OSBPL8: variants seen among roughly 807,000 people sequenced by gnomAD.
OSBPL8 encodes the protein oxysterol-binding protein-related protein 8.
Under a neutral mutation model 125.5 loss-of-function variants are expected in OSBPL8, and 59 were observed. The observed-to-expected ratio is 0.47, with a 90% CI of 0.38 to 0.58. The LOEUF is 0.58. OSBPL8 is among the 20% of genes least tolerant of loss of function. OSBPL8 has a pLI of 0.00. For missense variants in OSBPL8, 758 were observed against 1,047.8 expected (o/e 0.72, Z 3.82); for synonymous variants, 330 against 338.9 (o/e 0.97, Z 0.29).
intron 21 of OSBPL8, 84 bp from the exon 22 acceptor site, chr12:76,358,895 C>T (rs1157542373): frequency 4.2e-6 from 4 of 956,618 alleles, no homozygotes; most frequent in Non-Finnish European, 5.0e-6. Context: ...AAATTATCTG[C>T]ACATAGGCAT....
chr12:76,493,598 G>C (rs1016297470), intron 1 of OSBPL8, among the ~76,000 whole-genome samples: 1 of 152,064 alleles, frequency 6.6e-6, no homozygotes, highest in Admixed American at 6.5e-5. Flanking sequence ...TCACTGATAG[G>C]CTAAAGGAGC....
chr12:76,532,419 C>G (rs1950369274), intron 1 of OSBPL8, among the ~76,000 whole-genome samples: 1 of 152,082 alleles, frequency 6.6e-6, no homozygotes, highest in Non-Finnish European at 1.5e-5. Flanking sequence ...CACACTGAAT[C>G]TATGAAGTAA....
intron 1 of OSBPL8, among the ~76,000 whole-genome samples, chr12:76,547,089 C>T (rs1352179310): frequency 1.3e-5 from 2 of 152,194 alleles, no homozygotes; most frequent in Non-Finnish European, 2.9e-5. Context: ...AAACCTCTGA[C>T]TGCAGGAGAA....
chr12:76,518,181 T>C (rs1411608368), intron 1 of OSBPL8, among the ~76,000 whole-genome samples: 1 of 152,092 alleles, frequency 6.6e-6, no homozygotes, highest in Non-Finnish European at 1.5e-5. Flanking sequence ...ACTTGATAGA[T>C]CAAAACAAGA....
chr12:76,545,165 G>A (rs375815526), intron 1 of OSBPL8, among the ~76,000 whole-genome samples: 1 of 152,102 alleles, frequency 6.6e-6, no homozygotes, highest in Non-Finnish European at 1.5e-5. Flanking sequence ...GTAACTCAAG[G>A]CCTCTTAAAG....
chr12:76,402,480 G>C (rs962330598), intron 6 of OSBPL8, among the ~76,000 whole-genome samples: 9 of 152,136 alleles, frequency 5.9e-5, no homozygotes, highest in Admixed American at 1.3e-4. Flanking sequence ...AAAGCAGTCT[G>C]CTCTGTGACA....
At chr12:76,448,444 T>G (rs907466015) in intron 4 of OSBPL8, among the ~76,000 whole-genome samples, 5 of 152,168 alleles carry the variant, frequency 3.3e-5, no homozygotes. Context: ...AAAATTCTGA[T>G]GCACAGTGCA....
intron 5 of OSBPL8, among the ~76,000 whole-genome samples, chr12:76,410,200 T>C (rs1954454451): frequency 6.6e-6 from 1 of 152,216 alleles, no homozygotes; most frequent in South Asian, 2.1e-4. Flanking sequence ...GTAAAATATA[T>C]GTATTTTGAT....
chr12:76,496,543 C>T (rs964372799), intron 1 of OSBPL8, among the ~76,000 whole-genome samples: 6 of 150,322 alleles, frequency 4.0e-5, no homozygotes, highest in African/African-American at 1.2e-4. Flanking sequence ...CTGGCTAATA[C>T]ATTTTTTTTT....
chr12:76,356,123 T>C (rs1592504584), intron 23 of OSBPL8, 102 bp from the exon 24 acceptor site: 1 of 775,294 alleles, frequency 1.3e-6, no homozygotes, highest in Non-Finnish European at 1.8e-6. Flanking sequence ...TTAATGTTAA[T>C]AATTTTTAGT....
At chr12:76,549,477 C>A (rs1156514740) in intron 1 of OSBPL8, among the ~76,000 whole-genome samples, 2 of 152,080 alleles carry the variant, frequency 1.3e-5, no homozygotes, top group African/African-American at 2.4e-5. Context: ...GTAGTTTGAT[C>A]TCGGCTCACT....
chr12:76,511,776 G>A (rs1408468420), intron 1 of OSBPL8, among the ~76,000 whole-genome samples: 1 of 152,134 alleles, frequency 6.6e-6, no homozygotes, highest in Non-Finnish European at 1.5e-5. Flanking sequence ...TGCTTCTGAT[G>A]TCTTTGTCAT....
At chr12:76,553,239 A>G (rs1950994139) in intron 1 of OSBPL8, among the ~76,000 whole-genome samples, 1 of 152,174 alleles carries the variant, frequency 6.6e-6, no homozygotes, top group African/African-American at 2.4e-5. Context: ...CCTTCCTTGT[A>G]AAAAATTATG....
intron 2 of OSBPL8, among the ~76,000 whole-genome samples, chr12:76,475,887 T>C (rs1408411389): frequency 1.3e-5 from 2 of 152,162 alleles, no homozygotes; most frequent in Non-Finnish European, 2.9e-5. Flanking sequence ...TTAAACACAG[T>C]CCTAAGTAAG....
intron 2 of OSBPL8, among the ~76,000 whole-genome samples, chr12:76,482,312 C>T (rs763281253): frequency 4.6e-5 from 7 of 152,142 alleles, no homozygotes; most frequent in Admixed American, 2.0e-4. Flanking sequence ...AATAATACTT[C>T]GGAAATACTT....
intron 4 of OSBPL8, among the ~76,000 whole-genome samples, chr12:76,436,684 T>C (rs998775666): frequency 1.3e-5 from 2 of 152,180 alleles, no homozygotes; most frequent in Non-Finnish European, 2.9e-5. Context: ...ATTTTTTTCA[T>C]CTAGTTACAG....
At chr12:76,405,147 A>C (rs1447917426) in intron 5 of OSBPL8, among the ~76,000 whole-genome samples, 1 of 152,090 alleles carries the variant, frequency 6.6e-6, no homozygotes, top group Non-Finnish European at 1.5e-5. Flanking sequence ...TAAAGTTAAG[A>C]TCTATCTTTA....
chr12:76,372,446 A>C (rs1413038529), intron 18 of OSBPL8, among the ~76,000 whole-genome samples: 2 of 152,086 alleles, frequency 1.3e-5, no homozygotes, highest in Non-Finnish European at 2.9e-5. Context: ...TGAGCTTCCC[A>C]AAGTGCTGGA....
intron 1 of OSBPL8, among the ~76,000 whole-genome samples, chr12:76,544,558 C>T (rs1484317835): frequency 1.3e-5 from 2 of 152,150 alleles, no homozygotes; most frequent in South Asian, 2.1e-4. Flanking sequence ...GGTCATATTT[C>T]TACTTTGGCA....
Sources: gnomAD v4.1 joint callset for allele counts (sites outside exome capture counted in the v4.1 genomes callset) on GRCh38, gnomAD v4.1.1 for gene constraint, MANE v1.5 for transcripts, NCBI Gene and HGNC (gene_info 2026-07-23, HGNC 2026-07-21) for gene names.